The following PRSS23 variants were observed in gnomAD, a reference collection of about 807,000 sequenced individuals.
PRSS23 encodes the protein serine protease 23.
In PRSS23, 25 loss-of-function variants were observed where a neutral mutation model predicts 34.7. The observed-to-expected ratio is 0.72, with a 90% CI of 0.53 to 1.01. The LOEUF is 1.01. PRSS23 is among the 50% of genes least tolerant of loss of function. The probability of loss-of-function intolerance (pLI) is 0.00; values close to 1 mark genes in which losing one functional copy is unlikely to be tolerated. For synonymous variants in PRSS23, 176 were observed against 186.6 expected (o/e 0.94, Z 0.46); for missense variants, 445 against 475.6 (o/e 0.94, Z 0.60).
intron 1 of PRSS23, chr11:86,821,759 A>G: frequency 7.9e-7 from 1 of 1,266,020 alleles, no homozygotes; most frequent in East Asian, 2.4e-5. Flanking sequence ...GGCCAATTAT[A>G]AAAATCCTGT....
intron 1 of PRSS23, among the ~76,000 whole-genome samples, chr11:86,791,630 G>A (rs1458154194): frequency 2.0e-5 from 3 of 152,152 alleles, no homozygotes; most frequent in Admixed American, 6.5e-5. Context: ...CCTAGACTGT[G>A]GGGAAGAAGT....
intron 2 of PRSS23, among the ~76,000 whole-genome samples, chr11:86,900,587 C>T (rs1033720975): frequency 1.1e-4 from 16 of 152,124 alleles, no homozygotes; most frequent in East Asian, 3.9e-4. Flanking sequence ...CACCTCACCA[C>T]GCTCATTTTG....
intron 2 of PRSS23, chr11:86,833,402 C>A: frequency 3.1e-6 from 2 of 637,436 alleles, no homozygotes; most frequent in East Asian, 3.4e-5. Flanking sequence ...AGTTTTGGAT[C>A]CTCTGAGAGT....
intron 1 of PRSS23, chr11:86,821,352 G>C (rs990247203): frequency 3.6e-6 from 3 of 828,568 alleles, no homozygotes; most frequent in Non-Finnish European, 3.9e-6. Context: ...CTAAGGTATA[G>C]TGATCCTAGT....
intron 2 of PRSS23, among the ~76,000 whole-genome samples, chr11:86,861,955 C>G (rs113584247): frequency 4.0e-5 from 6 of 151,810 alleles, no homozygotes; most frequent in African/African-American, 1.5e-4. Context: ...AGGGGGTGTC[C>G]ACCCAGTTGT....
chr11:86,863,438 C>G (rs928305998), intron 2 of PRSS23, among the ~76,000 whole-genome samples: 2 of 152,154 alleles, frequency 1.3e-5, no homozygotes, highest in African/African-American at 4.8e-5. Flanking sequence ...CCCAGGTGCT[C>G]ATAAGTGCCC....
intron 2 of PRSS23, among the ~76,000 whole-genome samples, chr11:86,929,057 C>T (rs1279186864): frequency 1.3e-5 from 2 of 152,030 alleles, no homozygotes; most frequent in Non-Finnish European, 1.5e-5. Flanking sequence ...TGCGGTGCCT[C>T]GTGCCTGTAA....
intron 2 of PRSS23, among the ~76,000 whole-genome samples, chr11:86,847,872 C>T (rs1266648066): frequency 2.0e-5 from 3 of 152,160 alleles, no homozygotes; most frequent in Non-Finnish European, 4.4e-5. Flanking sequence ...CTTGACAATA[C>T]TGCCCTGTGC....
At chr11:86,835,364 A>T (rs1948396600) in intron 2 of PRSS23, among the ~76,000 whole-genome samples, 1 of 152,220 alleles carries the variant, frequency 6.6e-6, no homozygotes, top group African/African-American at 2.4e-5. Context: ...ATGGGTTGCA[A>T]GCTCATCCCT....
At chr11:86,841,360 A>G (rs1329004709) in intron 2 of PRSS23, among the ~76,000 whole-genome samples, 1 of 112,046 alleles carries the variant, frequency 8.9e-6, no homozygotes, top group East Asian at 2.4e-4. Context: ...AAAGAAGAAG[A>G]AAAAAAAAAA....
At chr11:86,927,887 G>A (rs559752441) in intron 2 of PRSS23, among the ~76,000 whole-genome samples, 1 of 151,884 alleles carries the variant, frequency 6.6e-6, no homozygotes, top group Non-Finnish European at 1.5e-5. Context: ...GTTGCAGTGA[G>A]CTGAGATTGC....
intron 2 of PRSS23, chr11:86,833,252 C>T: frequency 6.3e-7 from 1 of 1,576,292 alleles, no homozygotes; most frequent in Non-Finnish European, 8.7e-7. Context: ...AAACCGATGT[C>T]AGCCAAGGAC....
chr11:86,883,600 G>A (rs1948784525), intron 2 of PRSS23, among the ~76,000 whole-genome samples: 1 of 152,176 alleles, frequency 6.6e-6, no homozygotes, highest in Admixed American at 6.5e-5. Flanking sequence ...ATTTCATGAT[G>A]AAGACGCCAA....
chr11:86,807,938 A>G lies in PRSS23; in HGVS notation c.295A>G (p.Thr99Ala). The change falls in exon 2 of 2, where the codon ACG becomes GCG. Residue 99 changes from threonine to alanine, a missense_variant. Thr to Ala is a moderately conservative substitution (Grantham distance 58). Coordinates refer to ENST00000280258, the MANE Select transcript of PRSS23 (RefSeq NM_007173.6). ...TLYANGSRTETQVGIYILSSS... is the reference protein window; with the variant it reads ...TLYANGSRTEAQVGIYILSSS... ...CTATGCCAATGGCAGCCGCACAGAG[A>G]CGCAGGTGGGCATCTACATCCTCAG... The G allele has an allele frequency of 1.2e-6, 2 of 1,614,148 alleles. No individual in the cohort carries two copies. The highest frequency in any genetic ancestry group is 8.5e-7 in the Non-Finnish European group (1 of 1,180,010).
chr11:86,936,605 T>C (rs1949164233), intron 2 of PRSS23: 2 of 152,138 alleles, frequency 1.3e-5, no homozygotes, highest in Non-Finnish European at 2.9e-5. Flanking sequence ...AGGTATATAA[T>C]CTTGCTGAAA....
At chr11:86,928,255 T>C (rs1949095741) in intron 2 of PRSS23, among the ~76,000 whole-genome samples, 1 of 148,304 alleles carries the variant, frequency 6.7e-6, no homozygotes, top group Admixed American at 6.8e-5. Context: ...GTATTTATTA[T>C]ATACTTATAC....
At chr11:86,885,158 C>A (rs1216928487) in intron 2 of PRSS23, among the ~76,000 whole-genome samples, 1 of 152,170 alleles carries the variant, frequency 6.6e-6, no homozygotes. Flanking sequence ...CAGTACCCTA[C>A]CACATACTAT....
chr11:86,839,719 G>A (rs1400085833), intron 2 of PRSS23, among the ~76,000 whole-genome samples: 1 of 151,700 alleles, frequency 6.6e-6, no homozygotes, highest in Non-Finnish European at 1.5e-5. Flanking sequence ...AAGCTACCCA[G>A]AAAGGAAAGT....
intron 2 of PRSS23, among the ~76,000 whole-genome samples, chr11:86,898,289 A>G (rs1948889666): frequency 6.6e-6 from 1 of 152,152 alleles, no homozygotes; most frequent in South Asian, 2.1e-4. Flanking sequence ...GGCCCCTAAA[A>G]CTGAACCAGA....
Sources: allele counts gnomAD v4.1 joint callset (sites outside exome capture counted in the v4.1 genomes callset), GRCh38; gene constraint gnomAD v4.1.1; transcripts MANE v1.5; gene names NCBI Gene and HGNC (gene_info 2026-07-23, HGNC 2026-07-21).